The following PLEKHA7 variants were observed in gnomAD, a reference collection of about 807,000 sequenced individuals.
The protein encoded by PLEKHA7 is pleckstrin homology domain-containing family A member 7.
In PLEKHA7, 104 loss-of-function variants were observed where a neutral mutation model predicts 170.0. That is an observed-to-expected ratio of 0.61 (90% CI 0.52 to 0.72). The LOEUF (loss-of-function observed/expected upper bound fraction) is 0.72. Ranked by LOEUF, PLEKHA7 falls within the 30% of genes least tolerant of loss-of-function variation. The pLI, the probability that PLEKHA7 is intolerant of heterozygous loss-of-function variation, is 0.00. For synonymous variants in PLEKHA7, 648 were observed against 660.8 expected (o/e 0.98, Z 0.30); for missense variants, 1,615 against 1,671.7 (o/e 0.97, Z 0.59).
intron 9 of PLEKHA7, 122 bp downstream of exon 9, chr11:16,841,425 T>C (rs1851947322): frequency 8.9e-7 from 1 of 1,121,162 alleles, no homozygotes; most frequent in Non-Finnish European, 1.2e-6. Flanking sequence ...AGAAAGTTTA[T>C]AAAGAGAGGG....
Position 16,789,608 on chromosome 11 carries a change from G to T in PLEKHA7, c.3156+167C>A. The T allele has an allele frequency of 1.5e-6, 1 of 650,006 alleles. No homozygotes were observed. The allele number at this position is 650,006 out of a possible 1,614,324, so 40.3% of individuals were successfully genotyped here. ...CCTGACAGGCCAGAGAGAAAGGCAG[G>T]ATGCCCTCCTTGGTGGACAGTGGGT... On this transcript the variant is annotated intron_variant, in intron 22 of 26. Transcript: ENST00000531066. The surrounding 1 kb of genome is among the most constrained non-coding windows in gnomAD (Gnocchi z 4.6).
At chr11:16,798,267 G>A (rs564896269) in intron 17 of PLEKHA7, among the ~76,000 whole-genome samples, 1 of 152,316 alleles carries the variant, frequency 6.6e-6, no homozygotes, top group South Asian at 2.1e-4. Context: ...CTAGCACAGT[G>A]CCTGCTCAAA....
In PLEKHA7 at chr11:16,940,598, T is replaced by C. The variant is rs373221879; in HGVS notation, c.222-69416A>G. Among the ~76,000 whole-genome samples, 22 of 152,320 alleles carry C rather than the reference T, an allele frequency of 1.4e-4. No individual in the cohort carries two copies. The South Asian group carries it at 1.9e-3, about 13-fold the overall frequency. On this transcript the variant is annotated intron_variant, in intron 3 of 26. Transcript: ENST00000531066. ...CCACTGCACCTGGCCTCTTTTGTTTTTCTCTCTGGTGGCTAACAGATGCTT... is the reference window on the plus strand; with the variant it reads ...CCACTGCACCTGGCCTCTTTTGTTTCTCTCTCTGGTGGCTAACAGATGCTT...
intron 26 of PLEKHA7, among the ~76,000 whole-genome samples, chr11:16,782,476 A>G (rs1849107126): frequency 6.6e-6 from 1 of 152,210 alleles, no homozygotes; most frequent in African/African-American, 2.4e-5. Flanking sequence ...GAAGTGGGGT[A>G]GCAGCACCAC....
intron 3 of PLEKHA7, among the ~76,000 whole-genome samples, chr11:16,892,432 G>GTTGTGTTTTGTTTTGTTTTGTTT (rs763934828): frequency 8.7e-6 from 1 of 114,946 alleles, no homozygotes; most frequent in Non-Finnish European, 1.8e-5. Context: ...GTGTGTGTGT[G>GTTGTGTTTTGTTTTGTTTTGTTT]TGTTTTGTTT....
rs770282802 is a variant in PLEKHA7, at chr11:16,826,351, T to C, written c.1112A>G (p.Asp371Gly). Residue 371 changes from aspartate to glycine, a missense_variant, in exon 10 of 27, where the codon GAT becomes GGT. By Grantham distance (94) the Asp-to-Gly change is moderately conservative. Transcript: ENST00000531066. ...AGTGGGTAAATCCATAAACAAGGCA[T>C]CCTCCTCGGCTGGCGAGTACGGAGA... Reference protein sequence around the residue: ...ARSPYSPAEEDALFMDLPTGP... With the variant: ...ARSPYSPAEEGALFMDLPTGP... 3.1e-6 allele frequency: 5 copies of C among 1,614,112 alleles called. No homozygotes were observed. Among genetic ancestry groups the C allele is most frequent in the East Asian group, 2.2e-5 (1 of 44,886 alleles).
chr11:16,794,399 A>G, intron 19 of PLEKHA7, 89 bp downstream of exon 19: 1 of 1,351,716 alleles, frequency 7.4e-7, no homozygotes, highest in Non-Finnish European at 1.1e-6. Context: ...CATTTCCCCA[A>G]GTTTTCCCAG....
chr11:16,844,032 C>G lies in PLEKHA7; in HGVS notation c.697-2310G>C, dbSNP rs767201078. Reference sequence around the variant, plus strand: ...AATTCTTGGAAAATATCCCCTGGACCATGATCACACAAGATCTCTGACACA... The same window carrying G: ...AATTCTTGGAAAATATCCCCTGGACGATGATCACACAAGATCTCTGACACA... On this transcript the variant is annotated intron_variant, in intron 8 of 26. Transcript: ENST00000531066. Among the ~76,000 whole-genome samples, 40 of 152,146 alleles carry G rather than the reference C, an allele frequency of 2.6e-4. 1 individual carries two copies. Among genetic ancestry groups the G allele is most frequent in the South Asian group, 6.2e-4 (3 of 4,826 alleles).
At chr11:16,825,030 C>T in intron 10 of PLEKHA7, among the ~76,000 whole-genome samples, 1 of 152,220 alleles carries the variant, frequency 6.6e-6, no homozygotes, top group Non-Finnish European at 1.5e-5. Context: ...GGTGTCTTAG[C>T]TACAGCACAA....
intron 10 of PLEKHA7, among the ~76,000 whole-genome samples, chr11:16,825,049 C>T (rs545884766): frequency 1.3e-5 from 2 of 152,378 alleles, no homozygotes; most frequent in South Asian, 4.1e-4. Context: ...AACAGGCCTT[C>T]TCTTCTAGTC....
chr11:16,907,596 G>T (rs1263691159), intron 3 of PLEKHA7, among the ~76,000 whole-genome samples: 1 of 120,702 alleles, frequency 8.3e-6, no homozygotes, highest in Admixed American at 7.8e-5. Context: ...CAGCCGCCCC[G>T]TCCGGGAGGT....
At chr11:16,848,906 C>A (rs2135387106) in intron 8 of PLEKHA7, among the ~76,000 whole-genome samples, 1 of 152,304 alleles carries the variant, frequency 6.6e-6, no homozygotes, top group Non-Finnish European at 1.5e-5. Flanking sequence ...TCACAAAACA[C>A]TGTGTATTCC....
intron 3 of PLEKHA7, among the ~76,000 whole-genome samples, chr11:16,974,349 C>T (rs1168585679): frequency 5.3e-5 from 8 of 151,038 alleles, no homozygotes; most frequent in Admixed American, 3.3e-4. Flanking sequence ...GGGTGCCACC[C>T]GTTTTTGCTT....
At position 16,777,462 on chromosome 11, in the gene PLEKHA7, A is replaced by G. The variant is rs962956310; in HGVS notation, c.*1536T>C. On this transcript the variant is annotated 3_prime_UTR_variant, in exon 27 of 27. Coordinates refer to ENST00000531066, the MANE Select transcript of PLEKHA7 (RefSeq NM_001329630.2). ...ATGTCATGAAGTCGATACTGGCAGC[A>G]TATGGAGTTAGTTAAAAATAGACAA... 2 of 152,236 alleles carry G rather than the reference A, an allele frequency of 1.3e-5. No individual in the cohort carries two copies. Among genetic ancestry groups the G allele is most frequent in the Non-Finnish European group, 2.9e-5 (2 of 68,040 alleles). The allele number at this position is 152,236 out of a possible 1,614,324, so 9.4% of individuals were successfully genotyped here. A position where few individuals can be genotyped will look rare whatever the true frequency, so the allele number is the denominator to read the frequency against.
intron 4 of PLEKHA7, among the ~76,000 whole-genome samples, chr11:16,867,452 T>C (rs1337305822): frequency 2.0e-5 from 3 of 152,206 alleles, no homozygotes; most frequent in East Asian, 1.9e-4. Context: ...TGGATTCTCT[T>C]TGGAGAAGAA....
intron 3 of PLEKHA7, among the ~76,000 whole-genome samples, chr11:16,875,378 C>T (rs17772101): frequency 0.17 from 24,908 of 150,510 alleles, 2,544 homozygotes; most frequent in Non-Finnish European, 0.24. Context: ...CAAAAAGACT[C>T]ATACATTGAG....
At chr11:16,919,499 A>T (rs1235433264) in intron 3 of PLEKHA7, among the ~76,000 whole-genome samples, 3 of 151,946 alleles carry the variant, frequency 2.0e-5, no homozygotes, top group Non-Finnish European at 4.4e-5. Flanking sequence ...ACATAGTGAG[A>T]TCTCACCTCT....
chr11:16,795,154 C>T, intron 17 of PLEKHA7, 136 bp from the exon 18 acceptor site: 2 of 653,180 alleles, frequency 3.1e-6, no homozygotes, highest in Non-Finnish European at 2.7e-6. Context: ...AGTGCTAGAA[C>T]CAAGCCTGCT....
At chr11:16,833,576 AT>A (rs969603839) in intron 9 of PLEKHA7, among the ~76,000 whole-genome samples, 1 of 151,966 alleles carries the variant, frequency 6.6e-6, no homozygotes, top group East Asian at 1.9e-4. Context: ...TGGGAGATAC[AT>A]TTTTTTAATG....
Sources: allele counts gnomAD v4.1 joint callset (sites outside exome capture counted in the v4.1 genomes callset), GRCh38; gene constraint gnomAD v4.1.1; non-coding constraint Gnocchi (gnomAD v3.1); transcripts MANE v1.5; gene names NCBI Gene and HGNC (gene_info 2026-07-23, HGNC 2026-07-21).